NUDCD1: variants seen among roughly 807,000 people sequenced by gnomAD.
NUDCD1 encodes NudC domain containing 1, also known as nudC domain-containing protein 1.
NUDCD1 carries 60 observed loss-of-function variants against 67.8 expected under a neutral mutation model. The observed-to-expected ratio is 0.88, with a 90% CI of 0.72 to 1.10. NUDCD1 has a LOEUF of 1.10. Ranked by LOEUF, NUDCD1 falls within the 50% of genes least tolerant of loss-of-function variation. The probability of loss-of-function intolerance (pLI) is 0.00; values close to 1 mark genes in which losing one functional copy is unlikely to be tolerated. For synonymous variants in NUDCD1, 244 were observed against 230.8 expected (o/e 1.06, Z -0.52); for missense variants, 643 against 695.0 (o/e 0.93, Z 0.84).
In NUDCD1 at chr8:109,328,783, C is replaced by T. The variant is rs1197667967; in HGVS notation, c.118+5110G>A. 2.6e-5 allele frequency among the ~76,000 whole-genome samples: 4 copies of T among 152,078 alleles called. No homozygotes were observed. In the East Asian group the frequency reaches 7.7e-4, roughly 29 times the overall value. ...ACTCAACTATATCCCGGAAAAAAAACTCAAGAACATTATAAAAATACAAAA... is the reference window on the plus strand; with the variant it reads ...ACTCAACTATATCCCGGAAAAAAAATTCAAGAACATTATAAAAATACAAAA... On this transcript the variant is annotated intron_variant, in intron 1 of 9. Coordinates refer to ENST00000239690, the MANE Select transcript of NUDCD1 (RefSeq NM_032869.4).
rs1563668016 is a variant in NUDCD1, at chr8:109,275,566, ATTGT to A, written c.1029-74_1029-71del. 1.4e-6 allele frequency: 2 copies of A among 1,388,248 alleles called. 1 individual carries two copies. The highest frequency in any genetic ancestry group is 3.7e-4 in the Middle Eastern group (2 of 5,422). 86.0% of individuals were successfully genotyped at this position (1,388,248 alleles called of 1,614,324 possible). On this transcript the variant is annotated intron_variant, in intron 6 of 9. Coordinates refer to ENST00000239690, the MANE Select transcript of NUDCD1 (RefSeq NM_032869.4). The stretch of plus-strand genomic sequence containing the variant: ...ACAAATTATACAATCAGTAGCAAAC[ATTGT>A]TTGTTTCTATCTTCTATAGAAAGAA...
intron 6 of NUDCD1, among the ~76,000 whole-genome samples, chr8:109,278,658 G>A (rs1033101747): frequency 6.6e-6 from 1 of 152,144 alleles, no homozygotes; most frequent in Non-Finnish European, 1.5e-5. Flanking sequence ...CATACAGTAT[G>A]ATTTTTTGTC....
chr8:109,321,833 AAAG>A (rs1452975982), intron 2 of NUDCD1, among the ~76,000 whole-genome samples: 2 of 152,306 alleles, frequency 1.3e-5, no homozygotes, highest in South Asian at 2.1e-4. Flanking sequence ...TATTAATACC[AAAG>A]AAGATTTCAA....
Position 109,243,016 on chromosome 8 carries a change from T to A in NUDCD1, c.1745A>T (p.Glu582Val), listed in dbSNP as rs1813403749. Residue 582 changes from glutamate to valine, a missense_variant, in exon 10 of 10, where the codon GAG becomes GTG. Physicochemically the swap from Glu to Val is moderately radical, Grantham distance 121 (BLOSUM62 -2). Transcript: ENST00000239690. ...GCCAATATGTTAGAATAATTAATTC[T>A]CTGTATTTACTTTTATTAAAAAGAG... ...KNLFLIKVNT[E>V]N The A allele has an allele frequency of 6.4e-7, 1 of 1,569,968 alleles. No individual in the cohort carries two copies. The highest frequency in any genetic ancestry group is 1.1e-5 in the South Asian group (1 of 89,828).
In NUDCD1 at chr8:109,293,427, C is replaced by T. The variant is rs578034407; in HGVS notation, c.557G>A (p.Arg186Gln). 4.4e-6 allele frequency: 7 copies of T among 1,586,872 alleles called. No homozygotes were observed. In the Admixed American group the frequency reaches 5.3e-5, roughly 12 times the overall value. Residue 186 changes from arginine (R) to glutamine (Q), a missense_variant, in exon 4 of 10, where the codon CGA becomes CAA. By Grantham distance (43) the Arg-to-Gln change is conservative. Coordinates refer to ENST00000239690, the MANE Select transcript of NUDCD1 (RefSeq NM_032869.4). ...EEHSIATLLLRIEKEELDMKG... is the reference protein window; with the variant it reads ...EEHSIATLLLQIEKEELDMKG... Reference sequence around the variant, plus strand: ...CATATCCAATTCCTCTTTCTCTATTCGAAGAAGTAGGGTAGCTATAGAATG... The same window carrying T: ...CATATCCAATTCCTCTTTCTCTATTTGAAGAAGTAGGGTAGCTATAGAATG...
chr8:109,248,632 C>T (rs1357555265), intron 8 of NUDCD1, among the ~76,000 whole-genome samples: 1 of 149,764 alleles, frequency 6.7e-6, no homozygotes. Flanking sequence ...AGACTTAGTA[C>T]ATAGTTCTCT....
At chr8:109,246,998 T>C (rs1049299273) in intron 8 of NUDCD1, among the ~76,000 whole-genome samples, 2 of 152,124 alleles carry the variant, frequency 1.3e-5, no homozygotes, top group Middle Eastern at 3.2e-3. Context: ...GCCAGGGAAA[T>C]AGGGCTTTTT....
At chr8:109,325,335 A>C (rs1218974873) in intron 1 of NUDCD1, among the ~76,000 whole-genome samples, 1 of 152,208 alleles carries the variant, frequency 6.6e-6, no homozygotes, top group East Asian at 1.9e-4. Context: ...AACAGCGAGT[A>C]CCAAAATAGC....
At chr8:109,303,761 A>G (rs1184590411) in intron 2 of NUDCD1, among the ~76,000 whole-genome samples, 5 of 152,092 alleles carry the variant, frequency 3.3e-5, no homozygotes, top group African/African-American at 2.4e-5. Flanking sequence ...CCATCCCATT[A>G]AAACCTAATC....
chr8:109,283,175 G>A (rs1814496913), intron 5 of NUDCD1, among the ~76,000 whole-genome samples: 1 of 152,112 alleles, frequency 6.6e-6, no homozygotes, highest in South Asian at 2.1e-4. Context: ...TCAACAGACT[G>A]AACTGAGCAG....
chr8:109,307,883 A>G (rs1456727357), intron 2 of NUDCD1, among the ~76,000 whole-genome samples: 1 of 152,260 alleles, frequency 6.6e-6, no homozygotes, highest in East Asian at 1.9e-4. Flanking sequence ...AAAGAGGGAC[A>G]TTATACAATG....
Position 109,271,495 on chromosome 8 carries a change from G to C in NUDCD1, c.1174-365C>G, listed in dbSNP as rs115456686. ...AGACACTGCAGGAGAAAAGACCAGC[G>C]AGCTTGAAAAATAGCAATAGTGACT... On this transcript the variant is annotated intron_variant, in intron 7 of 9. Coordinates refer to ENST00000239690, the MANE Select transcript of NUDCD1 (RefSeq NM_032869.4). Among the ~76,000 whole-genome samples, 733 of 152,156 alleles carry C rather than the reference G, an allele frequency of 4.8e-3. 11 individuals carry two copies. Among genetic ancestry groups the C allele is most frequent in the African/African-American group, 0.017 (698 of 41,518 alleles).
chr8:109,277,087 A>G lies in NUDCD1; in HGVS notation c.1029-1591T>C, dbSNP rs149870908. On this transcript the variant is annotated intron_variant, in intron 6 of 9. Coordinates refer to ENST00000239690, the MANE Select transcript of NUDCD1 (RefSeq NM_032869.4). ...TCAGGTGCTGTCTTAAGCACTTTAC[A>G]TGTTTTAACTCATTGGTTACAACAA... Among the ~76,000 whole-genome samples, 700 of 152,314 alleles carry G rather than the reference A, an allele frequency of 4.6e-3. 13 individuals carry two copies. The highest frequency in any genetic ancestry group is 0.029 in the East Asian group (150 of 5,188).
chr8:109,281,011 TAGA>T lies in NUDCD1; in HGVS notation c.982_984del (p.Ser328del). On this transcript the variant is annotated inframe_deletion, in exon 6 of 10. Transcript: ENST00000239690. ...ATCCATGTACTGCTTTCATGATCAA[TAGA>T]TGAATAGAGTTTTCCTTCTAAAAAC... is the stretch of plus-strand genomic sequence containing the variant. 1 of 1,609,578 alleles carries T rather than the reference TAGA, an allele frequency of 6.2e-7. No homozygotes were observed. The highest frequency in any genetic ancestry group is 8.5e-7 in the Non-Finnish European group (1 of 1,176,194).
intron 5 of NUDCD1, among the ~76,000 whole-genome samples, chr8:109,284,974 A>G (rs751972903): frequency 5.7e-4 from 84 of 147,370 alleles, no homozygotes; most frequent in Non-Finnish European, 1.1e-3. Flanking sequence ...CAGAAATGAA[A>G]AGGTAACATT....
At chr8:109,274,090 T>A (rs1814220860) in intron 7 of NUDCD1, among the ~76,000 whole-genome samples, 1 of 152,144 alleles carries the variant, frequency 6.6e-6, no homozygotes, top group South Asian at 2.1e-4. Flanking sequence ...GAACCTATCC[T>A]TCTTAATGAT....
intron 8 of NUDCD1, among the ~76,000 whole-genome samples, chr8:109,259,750 C>T (rs1181955588): frequency 6.6e-6 from 1 of 152,096 alleles, no homozygotes; most frequent in East Asian, 1.9e-4. Flanking sequence ...GCATAATGTG[C>T]TTTAATTTCT....
intron 8 of NUDCD1, among the ~76,000 whole-genome samples, chr8:109,249,116 C>A (rs529369865): frequency 4.6e-5 from 7 of 152,212 alleles, no homozygotes; most frequent in Admixed American, 2.0e-4. Context: ...CCATTTTATT[C>A]CCCTTATAAA....
At position 109,289,879 on chromosome 8, in the gene NUDCD1, G is replaced by T; in HGVS notation, c.695C>A (p.Pro232Gln). The stretch of plus-strand genomic sequence containing the variant: ...ATCAGGCTCAATAGCAGCATAATGT[G>T]GCACTGACTTTCCACGGAGAATATC... ...KRDILRGKSV[P>Q]HYAAIEPDGN... Residue 232 changes from proline to glutamine, a missense_variant, in exon 5 of 10, where the codon CCA becomes CAA. Coordinates refer to ENST00000239690, the MANE Select transcript of NUDCD1 (RefSeq NM_032869.4). 6.5e-7 allele frequency: 1 copy of T among 1,538,170 alleles called. No individual in the cohort carries two copies. The highest frequency in any genetic ancestry group is 8.7e-7 in the Non-Finnish European group (1 of 1,146,890).
Sources: gnomAD v4.1 joint callset for allele counts (sites outside exome capture counted in the v4.1 genomes callset) on GRCh38, gnomAD v4.1.1 for gene constraint, MANE v1.5 for transcripts, NCBI Gene and HGNC (gene_info 2026-07-23, HGNC 2026-07-21) for gene names.